The following DPEP1 variants were observed in gnomAD, a reference collection of about 807,000 sequenced individuals.
DPEP1 encodes the protein beta-lactamase.
A neutral mutation model predicts 42.3 loss-of-function variants in DPEP1; 50 were observed. That is an observed-to-expected ratio of 1.18 (90% CI 0.94 to 1.50). The LOEUF (loss-of-function observed/expected upper bound fraction) is 1.50. Ranked by LOEUF, DPEP1 falls within the 40% of genes most tolerant of loss-of-function variation. DPEP1 has a pLI of 0.00. For missense variants in DPEP1, 663 were observed against 553.0 expected (o/e 1.20, Z -1.99); for synonymous variants, 297 against 234.0 (o/e 1.27, Z -2.46).
At chr16:89,640,379 G>T (rs529473155), downstream of DPEP1, among the ~76,000 whole-genome samples, 48 of 152,284 alleles carry the variant, frequency 3.2e-4, no homozygotes, top group African/African-American at 1.1e-3. Context: ...AGCATCGGAG[G>T]TGCAGGCAGG....
intron 1 of DPEP1, among the ~76,000 whole-genome samples, chr16:89,628,654 G>A (rs2059547554): frequency 6.6e-6 from 1 of 152,098 alleles, no homozygotes; most frequent in Non-Finnish European, 1.5e-5. Flanking sequence ...GGTGCTCTTG[G>A]AAATGCTCTC....
chr16:89,629,672 G>A (rs1043151856), intron 1 of DPEP1, among the ~76,000 whole-genome samples: 5 of 152,224 alleles, frequency 3.3e-5, no homozygotes, highest in Non-Finnish European at 5.9e-5. Context: ...GTGCCCAGGA[G>A]CCCTCGGGCG....
intron 1 of DPEP1, among the ~76,000 whole-genome samples, chr16:89,624,168 A>T (rs972342761): frequency 8.5e-5 from 13 of 152,226 alleles, no homozygotes; most frequent in African/African-American, 2.9e-4. Context: ...GCCAACTCTA[A>T]TGGAATAGGG....
chr16:89,628,121 A>G (rs1489531809), intron 1 of DPEP1, among the ~76,000 whole-genome samples: 2 of 151,364 alleles, frequency 1.3e-5, no homozygotes, highest in Non-Finnish European at 2.9e-5. Flanking sequence ...ACGGGGTTTC[A>G]CCATGTTAGC....
chr16:89,631,782 G>A (rs1007090235), intron 2 of DPEP1, among the ~76,000 whole-genome samples: 2 of 152,120 alleles, frequency 1.3e-5, no homozygotes, highest in Non-Finnish European at 2.9e-5. Context: ...ACTTGAACTC[G>A]GGAGGCGGAG....
At chr16:89,640,763 G>C (rs1182284749), downstream of DPEP1, among the ~76,000 whole-genome samples, 1 of 152,140 alleles carries the variant, frequency 6.6e-6, no homozygotes, top group Non-Finnish European at 1.5e-5. Context: ...AGGGTCTGTA[G>C]GTTTTTCTCC....
At chr16:89,617,533 C>T (rs1454294593) in intron 1 of DPEP1, among the ~76,000 whole-genome samples, 1 of 150,770 alleles carries the variant, frequency 6.6e-6, no homozygotes, top group Non-Finnish European at 1.5e-5. Flanking sequence ...GAGCCCACAC[C>T]TGTGCCGGTC....
chr16:89,615,851 G>T (rs916416468), intron 1 of DPEP1, among the ~76,000 whole-genome samples: 11 of 152,184 alleles, frequency 7.2e-5, no homozygotes, highest in Non-Finnish European at 1.5e-4. Flanking sequence ...TGGGCTGTGT[G>T]GAGGGAGACC....
chr16:89,625,448 C>T (rs2059497836), intron 1 of DPEP1, among the ~76,000 whole-genome samples: 1 of 152,202 alleles, frequency 6.6e-6, no homozygotes, highest in Admixed American at 6.5e-5. Context: ...CAAAACCTCC[C>T]AACTGGGATC....
chr16:89,628,069 C>A (rs552655149), intron 1 of DPEP1, among the ~76,000 whole-genome samples: 2 of 150,978 alleles, frequency 1.3e-5, no homozygotes, highest in East Asian at 2.0e-4. Context: ...ACTCCAGGCA[C>A]CCGCCACCAT....
At chr16:89,628,973 C>A (rs367680757) in intron 1 of DPEP1, among the ~76,000 whole-genome samples, 1 of 151,480 alleles carries the variant, frequency 6.6e-6, no homozygotes, top group Non-Finnish European at 1.5e-5. Context: ...ACTACAGGTG[C>A]GCACCACCAT....
chr16:89,621,109 G>A (rs2059442487), intron 1 of DPEP1, among the ~76,000 whole-genome samples: 1 of 148,898 alleles, frequency 6.7e-6, no homozygotes, highest in Non-Finnish European at 1.5e-5. Flanking sequence ...GTGGCTTCTG[G>A]GGTGACTGTG....
At chr16:89,640,242 A>T (rs1219064311), downstream of DPEP1, among the ~76,000 whole-genome samples, 1 of 152,118 alleles carries the variant, frequency 6.6e-6, no homozygotes, top group Non-Finnish European at 1.5e-5. Context: ...GGGTGAGGGG[A>T]CTGCCCTCAC....
At chr16:89,624,036 G>A (rs1366953301) in intron 1 of DPEP1, among the ~76,000 whole-genome samples, 2 of 152,096 alleles carry the variant, frequency 1.3e-5, no homozygotes, top group East Asian at 3.9e-4. Context: ...ACCTCCTGAG[G>A]GACAAAGGTT....
chr16:89,628,499 C>A lies in DPEP1; in HGVS notation c.-106-1806C>A, dbSNP rs75666264. On this transcript the variant is annotated intron_variant, in intron 1 of 10. Coordinates refer to ENST00000690203, the MANE Select transcript of DPEP1 (RefSeq NM_001389466.1). The stretch of plus-strand genomic sequence containing the variant: ...TCTCGAACTCCTGACCTCAGGTGAT[C>A]CGCCCGCCTCAGCCTCCCACAGTGC... 0.024 allele frequency among the ~76,000 whole-genome samples: 3,611 copies of A among 151,726 alleles called. 626 individuals are homozygous for A. In the East Asian group the frequency reaches 0.49, roughly 21 times the overall value.
rs760122595 is a variant in DPEP1 at position 89,636,911 on chromosome 16, C to T, written c.567C>T (p.Ser189=). ...ACACGGGAGACAGCGAGCCCCAGAGCCAAGGCTTGTCACCCTTTGGGCAGG... is the reference window on the plus strand; with the variant it reads ...ACACGGGAGACAGCGAGCCCCAGAGTCAAGGCTTGTCACCCTTTGGGCAGG... The part of the protein sequence containing the change: ...LVDTGDSEPQ[S]QGLSPFGQRV... The change falls in exon 6 of 11, where the codon AGC becomes AGT. Residue 189 remains serine (S), a synonymous_variant. Transcript: ENST00000690203. 13 of 1,612,396 alleles carry T rather than the reference C, an allele frequency of 8.1e-6. No homozygotes were observed. Among genetic ancestry groups the T allele is most frequent in the South Asian group, 7.7e-5 (7 of 91,082 alleles).
At chr16:89,632,875 G>T (rs549160993) in intron 2 of DPEP1, among the ~76,000 whole-genome samples, 1 of 152,278 alleles carries the variant, frequency 6.6e-6, no homozygotes, top group Non-Finnish European at 1.5e-5. Flanking sequence ...AGTGAGCTGT[G>T]ATTGCACCCC....
chr16:89,636,860 C>A lies in DPEP1; in HGVS notation c.522-6C>A, dbSNP rs1272876299. The A allele has an allele frequency of 1.2e-6, 2 of 1,612,530 alleles. No individual in the cohort carries two copies. The highest frequency in any genetic ancestry group is 2.2e-5 in the East Asian group (1 of 44,874). ...CCTCTTGGGCACCTGCCTTTTGCTT[C>A]TCCAGGGCTGACAACTGGCTGGTGG... On this transcript the variant is annotated splice_region_variant and splice_polypyrimidine_tract_variant and intron_variant, in intron 5 of 10. Coordinates refer to ENST00000690203, the MANE Select transcript of DPEP1 (RefSeq NM_001389466.1).
downstream of DPEP1, among the ~76,000 whole-genome samples, chr16:89,639,606 G>A (rs1234015236): frequency 7.0e-6 from 1 of 142,936 alleles, no homozygotes; most frequent in Non-Finnish European, 1.5e-5. Context: ...ACCCCTGCAC[G>A]CACACCCCCT....
Sources: gnomAD v4.1 joint callset for allele counts (sites outside exome capture counted in the v4.1 genomes callset) on GRCh38, gnomAD v4.1.1 for gene constraint, MANE v1.5 for transcripts, NCBI Gene and HGNC (gene_info 2026-07-23, HGNC 2026-07-21) for gene names.